Variants in RASSF2 observed in about 807,000 individuals in gnomAD.
RASSF2 encodes ras association domain-containing protein 2.
A neutral mutation model predicts 46.3 loss-of-function variants in RASSF2; 34 were observed. The ratio of observed to expected loss-of-function variants is 0.73; its 90% CI spans 0.56 to 0.98. RASSF2 has a LOEUF of 0.98. Among genes scored for constraint, RASSF2 ranks in the 50% least tolerant of loss-of-function variants. The pLI is 0.00. For missense variants in RASSF2, 364 were observed against 431.2 expected, an observed-to-expected ratio of 0.84 and a Z score of 1.38; for synonymous variants, 158 against 162.5, an observed-to-expected ratio of 0.97 and a Z score of 0.21.
Position 4,795,724 on chromosome 20 carries a change from T to C in RASSF2, c.287+91A>G. 2.7e-6 allele frequency: 4 copies of C among 1,480,200 alleles called. No homozygotes were observed. The highest frequency in any genetic ancestry group is 3.6e-6 in the Non-Finnish European group (4 of 1,096,010). 91.7% of individuals were successfully genotyped at this position (1,480,200 alleles called of 1,614,324 possible). A position where few individuals can be genotyped will look rare whatever the true frequency, so the allele number is the denominator to read the frequency against. ...TAGGAGGAGGAGCCAGGGTCAGGGC[T>C]GGCTGGAAGAAGGCAGCATTTATCT... is the stretch of plus-strand genomic sequence containing the variant. On this transcript the variant is annotated intron_variant, in intron 5 of 11. Transcript: ENST00000379400. This position sits in a 1 kb window ranked among gnomAD's most constrained non-coding sequence, Gnocchi z 4.0.
At chr20:4,788,086 G>A in intron 9 of RASSF2, 131 bp downstream of exon 9, 2 of 907,708 alleles carry the variant, frequency 2.2e-6, no homozygotes, top group Non-Finnish European at 3.5e-6. Flanking sequence ...AAGCCCATCA[G>A]CCTTGAAGGC....
rs546264113 is a variant in RASSF2 at position 4,781,702 on chromosome 20, G to A, written c.*2571C>T. On this transcript the variant is annotated 3_prime_UTR_variant, in exon 12 of 12. Transcript: ENST00000379400. ...AAGCCCCTCCCGGGGTGGGGGTGGTGGGGAGACAGATGCAGCTAAACTGCT... is the reference window on the plus strand; with the variant it reads ...AAGCCCCTCCCGGGGTGGGGGTGGTAGGGAGACAGATGCAGCTAAACTGCT... The A allele has an allele frequency of 6.6e-6, 1 of 152,124 alleles. No homozygotes were observed. Among genetic ancestry groups the A allele is most frequent in the Non-Finnish European group, 1.5e-5 (1 of 68,020 alleles). 9.4% of individuals were successfully genotyped at this position (152,124 alleles called of 1,614,324 possible).
chr20:4,796,407 T>C (rs1055165642), intron 4 of RASSF2, among the ~76,000 whole-genome samples: 1 of 152,178 alleles, frequency 6.6e-6, no homozygotes, highest in Admixed American at 6.5e-5. Flanking sequence ...ACCTGGTGGT[T>C]GAAGGAAATT....
intron 2 of RASSF2, among the ~76,000 whole-genome samples, chr20:4,803,508 C>T (rs1165224822): frequency 6.6e-6 from 1 of 152,178 alleles, no homozygotes; most frequent in Admixed American, 6.5e-5. Flanking sequence ...GACTGCAATA[C>T]TTCATGAAGC....
rs2122366228 is a variant in RASSF2 at position 4,782,387 on chromosome 20, A to C, written c.*1886T>G. 1 of 152,796 alleles carries C rather than the reference A, an allele frequency of 6.5e-6. No homozygotes were observed. Among genetic ancestry groups the C allele is most frequent in the Admixed American group, 6.5e-5 (1 of 15,310 alleles). The allele number at this position is 152,796 out of a possible 1,614,324, so 9.5% of individuals were successfully genotyped here. On this transcript the variant is annotated 3_prime_UTR_variant, in exon 12 of 12. Coordinates refer to ENST00000379400, the MANE Select transcript of RASSF2 (RefSeq NM_014737.3). ...ATTGCAAAACTCAGGAGGTGTTTGC[A>C]TTCACAGAACTGTTCTTTCCCAGCT...
intron 2 of RASSF2, among the ~76,000 whole-genome samples, chr20:4,805,141 C>T (rs1376890174): frequency 1.3e-5 from 2 of 152,032 alleles, no homozygotes; most frequent in Non-Finnish European, 2.9e-5. Flanking sequence ...GACACCTGGG[C>T]CCCGACCTGG....
chr20:4,823,121 C>A (rs1928831084), intron 1 of RASSF2, among the ~76,000 whole-genome samples: 1 of 152,022 alleles, frequency 6.6e-6, no homozygotes, highest in African/African-American at 2.4e-5. Flanking sequence ...CCCCGCGGCT[C>A]GGGGAGGAAA....
intron 2 of RASSF2, among the ~76,000 whole-genome samples, chr20:4,802,815 A>T (rs1926988696): frequency 6.6e-6 from 1 of 151,764 alleles, no homozygotes; most frequent in Admixed American, 6.6e-5. Context: ...GACACTTTAA[A>T]ATGGTTAAGA....
intron 2 of RASSF2, among the ~76,000 whole-genome samples, chr20:4,802,512 T>C (rs1363454194): frequency 6.6e-6 from 1 of 152,210 alleles, no homozygotes; most frequent in Non-Finnish European, 1.5e-5. Context: ...AAGGAAAGGC[T>C]GGCACATGCT....
At chr20:4,797,636 G>C (rs1425929457) in intron 4 of RASSF2, among the ~76,000 whole-genome samples, 1 of 152,102 alleles carries the variant, frequency 6.6e-6, no homozygotes, top group Non-Finnish European at 1.5e-5. Flanking sequence ...GATAGGACTT[G>C]GGCCCAAATG....
At chr20:4,796,103 T>G in intron 4 of RASSF2, 137 bp from the exon 5 acceptor site, 5 of 841,984 alleles carry the variant, frequency 5.9e-6, no homozygotes, top group Non-Finnish European at 4.9e-6. Flanking sequence ...TAGGGGCAGC[T>G]GCCCAGTTCA....
At chr20:4,784,687 T>C (rs1450109029) in intron 11 of RASSF2, among the ~76,000 whole-genome samples, 1 of 148,398 alleles carries the variant, frequency 6.7e-6, no homozygotes, top group East Asian at 2.1e-4. Flanking sequence ...TCCAAGACAC[T>C]ATGCATAGTA....
In RASSF2 at chr20:4,784,627, A is replaced by C. The variant is rs558591430; in HGVS notation, c.912-285T>G. 8.1e-3 allele frequency among the ~76,000 whole-genome samples: 1,236 copies of C among 152,010 alleles called. 6 individuals are homozygous for C. Among genetic ancestry groups the C allele is most frequent in the Non-Finnish European group, 0.015 (1,015 of 67,956 alleles). ...AAAAAAAAAAAAAAGGTAAAAAAAA[A>C]CAACAGCAATAATAAGCATTCTACG... On this transcript the variant is annotated intron_variant, in intron 11 of 11. Transcript: ENST00000379400.
chr20:4,813,988 T>C (rs536856785), intron 2 of RASSF2, among the ~76,000 whole-genome samples: 2 of 152,234 alleles, frequency 1.3e-5, no homozygotes, highest in Middle Eastern at 3.4e-3. Context: ...CATGTGACTG[T>C]AGGACCCAAG....
chr20:4,792,897 C>T (rs1055220829), intron 5 of RASSF2: 1 of 524,852 alleles, frequency 1.9e-6, no homozygotes, highest in Non-Finnish European at 3.3e-6. Flanking sequence ...AGTAACACAC[C>T]CAACCAATTC....
At position 4,795,248 on chromosome 20, in the gene RASSF2, C is replaced by T. The variant is rs1926237110; in HGVS notation, c.287+567G>A. On this transcript the variant is annotated intron_variant, in intron 5 of 11. Transcript: ENST00000379400. The surrounding 1 kb of genome is among the most constrained non-coding windows in gnomAD (Gnocchi z 4.0). The stretch of plus-strand genomic sequence containing the variant: ...TTCTGGTGGGAACTTAGACTACCAC[C>T]ATCTCACCAAACCCTGGCTCCCCGT... 6.6e-6 allele frequency: 1 copy of T among 152,338 alleles called. No homozygotes were observed. The highest frequency in any genetic ancestry group is 2.1e-4 in the South Asian group (1 of 4,834). The allele number at this position is 152,338 out of a possible 1,614,324, so 9.4% of individuals were successfully genotyped here.
intron 6 of RASSF2, 140 bp downstream of exon 6, chr20:4,792,399 G>A (rs1185165168): frequency 2.2e-5 from 33 of 1,512,534 alleles, no homozygotes; most frequent in Middle Eastern, 3.7e-4. Context: ...TGGATGAGGT[G>A]GGTGACTTAA....
chr20:4,817,194 G>A (rs2423041), intron 2 of RASSF2, among the ~76,000 whole-genome samples: 29,127 of 152,160 alleles, frequency 0.19, 2,933 homozygotes, highest in South Asian at 0.28. Context: ...CCAAAGTATA[G>A]ACATGCCATG....
At chr20:4,792,502 T>C in intron 6 of RASSF2, 37 bp downstream of exon 6, 2 of 1,613,466 alleles carry the variant, frequency 1.2e-6, no homozygotes, top group Non-Finnish European at 1.7e-6. Context: ...TTCACACAGT[T>C]GGTCCCTAGC....
Sources: allele counts gnomAD v4.1 joint callset (sites outside exome capture counted in the v4.1 genomes callset), GRCh38; gene constraint gnomAD v4.1.1; non-coding constraint Gnocchi (gnomAD v3.1); transcripts MANE v1.5; gene names NCBI Gene and HGNC (gene_info 2026-07-23, HGNC 2026-07-21).